MED13: variants seen among roughly 807,000 people sequenced by gnomAD.
The protein encoded by MED13 is mediator complex subunit 13.
A neutral mutation model predicts 225.2 loss-of-function variants in MED13; 23 were observed. That is an observed-to-expected ratio of 0.10 (90% CI 0.07 to 0.14). The LOEUF (loss-of-function observed/expected upper bound fraction) is 0.14. MED13 is among the 10% of genes least tolerant of loss of function. The pLI, the probability that MED13 is intolerant of heterozygous loss-of-function variation, is 1.00. For missense variants in MED13, 2,197 were observed against 2,594.5 expected (o/e 0.85, Z 3.33); for synonymous variants, 942 against 889.2 (o/e 1.06, Z -1.06).
chr17:62,058,583 T>C (rs975823630), intron 2 of MED13, among the ~76,000 whole-genome samples: 2 of 151,830 alleles, frequency 1.3e-5, no homozygotes, highest in African/African-American at 4.8e-5. Context: ...AAAGGAGTTT[T>C]ATTCCCTAAT....
Position 61,946,417 on chromosome 17 carries a change from A to C in MED13, c.*51T>G. 6.3e-7 allele frequency: 1 copy of C among 1,588,856 alleles called. No homozygotes were observed. The highest frequency in any genetic ancestry group is 1.1e-5 in the South Asian group (1 of 90,072). ...ATAATTGTAACTTAATCCTGCAGCG[A>C]AACATCCATTTTTCCTTGTTCTTTT... On this transcript the variant is annotated 3_prime_UTR_variant, in exon 30 of 30. Transcript: ENST00000397786.
intron 20 of MED13, among the ~76,000 whole-genome samples, chr17:61,964,087 T>A (rs2080031906): frequency 6.6e-6 from 1 of 152,112 alleles, no homozygotes; most frequent in Admixed American, 6.6e-5. Context: ...ATAGAGTGGG[T>A]CAATAGTGAC....
At position 62,039,653 on chromosome 17, in the gene MED13, G is replaced by A. The variant is rs144853078; in HGVS notation, c.471-4045C>T. 1.5e-3 allele frequency among the ~76,000 whole-genome samples: 221 copies of A among 148,148 alleles called. 2 individuals are homozygous for A. The East Asian group carries it at 0.042, about 28-fold the overall frequency. Reference sequence around the variant, plus strand: ...GTCACCAAGGTTGGAGTGCAATGGCGTGATCTTGGCTCACTGCAAACTCCG... The same window carrying A: ...GTCACCAAGGTTGGAGTGCAATGGCATGATCTTGGCTCACTGCAAACTCCG... On this transcript the variant is annotated intron_variant, in intron 3 of 29. Transcript: ENST00000397786.
chr17:61,944,400 A>C lies in MED13; in HGVS notation c.*2068T>G, dbSNP rs1421072081. ...TTTTTTTTTTTTTTAAAGAAAGTACAGAACAAAACATACCAACATAATGTG... is the reference window on the plus strand; with the variant it reads ...TTTTTTTTTTTTTTAAAGAAAGTACCGAACAAAACATACCAACATAATGTG... On this transcript the variant is annotated 3_prime_UTR_variant, in exon 30 of 30. Coordinates refer to ENST00000397786, the MANE Select transcript of MED13 (RefSeq NM_005121.3). 1.3e-5 allele frequency: 2 copies of C among 151,656 alleles called. No individual in the cohort carries two copies. Among genetic ancestry groups the C allele is most frequent in the African/African-American group, 4.8e-5 (2 of 41,252 alleles). The allele number at this position is 151,656 out of a possible 1,614,324, so 9.4% of individuals were successfully genotyped here.
chr17:61,948,686 A>G (rs542298073), intron 28 of MED13, among the ~76,000 whole-genome samples: 1 of 151,818 alleles, frequency 6.6e-6, no homozygotes, highest in African/African-American at 2.4e-5. Context: ...TCAGCCTCCC[A>G]AAGTGCTGGG....
At chr17:62,035,108 G>A (rs1307186950) in intron 4 of MED13, among the ~76,000 whole-genome samples, 1 of 151,962 alleles carries the variant, frequency 6.6e-6, no homozygotes, top group African/African-American at 2.4e-5. Flanking sequence ...GCGACAGAGC[G>A]AAACTCCGTC....
Position 61,946,466 on chromosome 17 carries a change from G to A in MED13, c.*2C>T. ...TTCTTGCACAGTTCCATCAAATGAA[G>A]ATCACAGCATATTCATAATAAAGTT... On this transcript the variant is annotated 3_prime_UTR_variant, in exon 30 of 30. Transcript: ENST00000397786. 6.2e-7 allele frequency: 1 copy of A among 1,611,878 alleles called. No individual in the cohort carries two copies. Among genetic ancestry groups the A allele is most frequent in the East Asian group, 2.2e-5 (1 of 44,856 alleles).
chr17:62,020,681 C>T (rs1473648589), intron 8 of MED13, among the ~76,000 whole-genome samples: 3 of 142,082 alleles, frequency 2.1e-5, no homozygotes, highest in South Asian at 2.2e-4. Context: ...ACCTGGCCTG[C>T]TTTCTTTTTT....
At chr17:61,947,858 T>A (rs1330835223) in intron 28 of MED13, among the ~76,000 whole-genome samples, 1 of 152,202 alleles carries the variant, frequency 6.6e-6, no homozygotes, top group East Asian at 1.9e-4. Context: ...GATAAAACAA[T>A]GGTGATGTTC....
At chr17:62,007,750 A>C (rs2080464936) in intron 9 of MED13, among the ~76,000 whole-genome samples, 1 of 152,080 alleles carries the variant, frequency 6.6e-6, no homozygotes, top group African/African-American at 2.4e-5. Context: ...TGGGAGGCTG[A>C]GGCAGGAAAA....
Position 62,062,027 on chromosome 17 carries a change from C to G in MED13, c.301+1040G>C, listed in dbSNP as rs540779751. Among the ~76,000 whole-genome samples the G allele has an allele frequency of 1.1e-4, 16 of 152,146 alleles. No homozygotes were observed. In the East Asian group the frequency reaches 2.9e-3, roughly 28 times the overall value. On this transcript the variant is annotated intron_variant, in intron 2 of 29. Coordinates refer to ENST00000397786, the MANE Select transcript of MED13 (RefSeq NM_005121.3). Reference sequence around the variant, plus strand: ...CATAAATGTTGGTCTTACTAAGTACCAGTTCAAGATACAGACACCTAGAAT... The same window carrying G: ...CATAAATGTTGGTCTTACTAAGTACGAGTTCAAGATACAGACACCTAGAAT...
Position 61,955,855 on chromosome 17 carries a change from T to TATAAAAAAAAAA in MED13, c.5624-18_5624-17insTTTTTTTTTTAT, listed in dbSNP as rs71355200. 1 of 719,990 alleles carries TATAAAAAAAAAA rather than the reference T, an allele frequency of 1.4e-6. No homozygotes were observed. The highest frequency in any genetic ancestry group is 4.7e-5 in the African/African-American group (1 of 21,312). 44.6% of individuals were successfully genotyped at this position (719,990 alleles called of 1,614,324 possible). ...AGCTCCAATCTGTGGGTATCAACAG[T>TATAAAAAAAAAA]AAAAAAAAAAAAAAAAAAAAAAAAA... is the stretch of plus-strand genomic sequence containing the variant. On this transcript the variant is annotated splice_polypyrimidine_tract_variant and intron_variant, in intron 24 of 29. Transcript: ENST00000397786.
At chr17:62,060,974 C>A (rs1436941261) in intron 2 of MED13, among the ~76,000 whole-genome samples, 2 of 152,096 alleles carry the variant, frequency 1.3e-5, no homozygotes, top group Non-Finnish European at 2.9e-5. Flanking sequence ...GCTGGGATTA[C>A]AGGCGTGAGT....
At chr17:62,045,969 G>A (rs1045235201) in intron 3 of MED13, among the ~76,000 whole-genome samples, 3 of 152,076 alleles carry the variant, frequency 2.0e-5, no homozygotes, top group African/African-American at 7.2e-5. Flanking sequence ...GGAAAAAGAA[G>A]ATAAAAAGGT....
chr17:62,039,442 C>T (rs902766291), intron 3 of MED13, among the ~76,000 whole-genome samples: 3 of 151,900 alleles, frequency 2.0e-5, no homozygotes, highest in Non-Finnish European at 4.4e-5. Context: ...ATGACCATGC[C>T]CAGCTAATTT....
chr17:62,023,735 G>A lies in MED13; in HGVS notation c.1283+5806C>T, dbSNP rs543134455. On this transcript the variant is annotated intron_variant, in intron 8 of 29. Coordinates refer to ENST00000397786, the MANE Select transcript of MED13 (RefSeq NM_005121.3). ...CGATTTAACAGAGTCAGTTATCAATGTATGCCCCCCAACCTCCTATATATT... is the reference window on the plus strand; with the variant it reads ...CGATTTAACAGAGTCAGTTATCAATATATGCCCCCCAACCTCCTATATATT... 1.2e-4 allele frequency among the ~76,000 whole-genome samples: 15 copies of A among 123,720 alleles called. No individual in the cohort carries two copies. The East Asian group carries it at 2.5e-3, about 21-fold the overall frequency. 81.2% of individuals were successfully genotyped at this position (123,720 alleles called of 152,430 possible). A position where few individuals can be genotyped will look rare whatever the true frequency, so the allele number is the denominator to read the frequency against.
intron 9 of MED13, among the ~76,000 whole-genome samples, chr17:62,000,084 T>G (rs1046855732): frequency 6.6e-6 from 1 of 151,800 alleles, no homozygotes; most frequent in Admixed American, 6.6e-5. Flanking sequence ...AAAGAAAAAA[T>G]AAAAATCAAG....
At position 61,985,083 on chromosome 17, in the gene MED13, G is replaced by A. The variant is rs1245553232; in HGVS notation, c.2393C>T (p.Ser798Phe). Residue 798 changes from serine (S) to phenylalanine (F), a missense_variant, in exon 13 of 30, where the codon TCT becomes TTT. Physicochemically the swap from Ser to Phe is radical, Grantham distance 155. Transcript: ENST00000397786. ...ATCTGATCCATTTGCTGATTTTTTA[G>A]ATCCAGGCTATTTAAAAAAAGCACA... The part of the protein sequence containing the change: ...NSDEDELTPG[S>F]KKSANGSDDK... 3 of 1,611,350 alleles carry A rather than the reference G, an allele frequency of 1.9e-6. No homozygotes were observed. In the African/African-American group the frequency reaches 4.0e-5, roughly 22 times the overall value.
rs1240155285 is a variant in MED13, at chr17:61,943,651, C to T, written c.*2817G>A. 4 of 152,546 alleles carry T rather than the reference C, an allele frequency of 2.6e-5. No homozygotes were observed. The highest frequency in any genetic ancestry group is 5.9e-5 in the Non-Finnish European group (4 of 67,982). 9.4% of individuals were successfully genotyped at this position (152,546 alleles called of 1,614,324 possible). A position where few individuals can be genotyped will look rare whatever the true frequency, so the allele number is the denominator to read the frequency against. On this transcript the variant is annotated 3_prime_UTR_variant, in exon 30 of 30. Coordinates refer to ENST00000397786, the MANE Select transcript of MED13 (RefSeq NM_005121.3). ...ATTACATATAAGTACACTTGGTGGC[C>T]TTCTGGCCAAACAATAAGGTGTACA...
Sources: allele counts gnomAD v4.1 joint callset (sites outside exome capture counted in the v4.1 genomes callset), GRCh38; gene constraint gnomAD v4.1.1; transcripts MANE v1.5; gene names NCBI Gene and HGNC (gene_info 2026-07-23, HGNC 2026-07-21).